The following SRL variants were observed in gnomAD, a reference collection of about 807,000 sequenced individuals.
SRL encodes the protein sarcalumenin.
SRL carries 23 observed loss-of-function variants against 39.5 expected under a neutral mutation model. The ratio of observed to expected loss-of-function variants is 0.58; its 90% confidence interval spans 0.42 to 0.82. The LOEUF (loss-of-function observed/expected upper bound fraction) is 0.82. SRL is among the 40% of genes least tolerant of loss of function. SRL has a pLI of 0.00. For synonymous variants in SRL, 272 were observed against 237.4 expected, an observed-to-expected ratio of 1.15 and a Z score of -1.34; for missense variants, 592 against 607.8, an observed-to-expected ratio of 0.97 and a Z score of 0.27.
At chr16:4,217,093 G>C (rs1173737385) in intron 1 of SRL, among the ~76,000 whole-genome samples, 1 of 152,168 alleles carries the variant, frequency 6.6e-6, no homozygotes, top group African/African-American at 2.4e-5. Flanking sequence ...CTTGAGAAAC[G>C]TGGGAGCTTG....
At chr16:4,202,605 G>C (rs2052251474) in intron 3 of SRL, among the ~76,000 whole-genome samples, 1 of 147,980 alleles carries the variant, frequency 6.8e-6, no homozygotes, top group African/African-American at 2.6e-5. Context: ...AAAAAAAAAA[G>C]CTGGAGGTCA....
intron 1 of SRL, among the ~76,000 whole-genome samples, chr16:4,211,797 T>C (rs2052397342): frequency 6.6e-6 from 1 of 151,720 alleles, no homozygotes; most frequent in East Asian, 1.9e-4. Context: ...ATGATGAGGA[T>C]CGTGATGATG....
chr16:4,234,301 T>A (rs2052691773), intron 1 of SRL, among the ~76,000 whole-genome samples: 1 of 152,244 alleles, frequency 6.6e-6, no homozygotes, highest in South Asian at 2.1e-4. Context: ...GCCTATTAAT[T>A]AAATTTAATA....
In SRL at chr16:4,190,592, AC is replaced by A. The variant is rs1421844062; in HGVS notation, c.*1560del. Reference sequence around the variant, plus strand: ...TGCATGCTAGCCTTGCAAGACTGTTACAAGTTCTCTACTCCCTAGAGTCTAT... The same window carrying A: ...TGCATGCTAGCCTTGCAAGACTGTTAAAGTTCTCTACTCCCTAGAGTCTAT... On this transcript the variant is annotated 3_prime_UTR_variant, in exon 6 of 6. Transcript: ENST00000399609. The A allele has an allele frequency of 2.5e-6, 1 of 397,756 alleles. No homozygotes were observed. Among genetic ancestry groups the A allele is most frequent in the Non-Finnish European group, 4.4e-6 (1 of 226,070 alleles). 24.6% of individuals were successfully genotyped at this position (397,756 alleles called of 1,614,324 possible).
At chr16:4,205,826 T>C (rs991081280) in intron 1 of SRL, among the ~76,000 whole-genome samples, 10 of 151,964 alleles carry the variant, frequency 6.6e-5, no homozygotes, top group African/African-American at 2.4e-4. Context: ...TAGTCCCAGC[T>C]ACTCAGGAGG....
chr16:4,203,154 C>G lies in SRL; in HGVS notation c.259+12G>C, dbSNP rs1307439429. 1 of 1,612,102 alleles carries G rather than the reference C, an allele frequency of 6.2e-7. No homozygotes were observed. Among genetic ancestry groups the G allele is most frequent in the Non-Finnish European group, 8.5e-7 (1 of 1,179,006 alleles). On this transcript the variant is annotated intron_variant, in intron 3 of 5. Transcript: ENST00000399609. ...CGTAATCTCAAGCCCTACCTGTTATCTCAAGCCCTACCTGTGATCTCATGC... is the reference window on the plus strand; with the variant it reads ...CGTAATCTCAAGCCCTACCTGTTATGTCAAGCCCTACCTGTGATCTCATGC...
chr16:4,193,316 A>T (rs2052093480), intron 5 of SRL, among the ~76,000 whole-genome samples: 1 of 152,196 alleles, frequency 6.6e-6, no homozygotes, highest in Non-Finnish European at 1.5e-5. Flanking sequence ...AATAGGCGTG[A>T]GCCACCATGC....
At chr16:4,211,163 A>T (rs372480880) in intron 1 of SRL, among the ~76,000 whole-genome samples, 2 of 88,330 alleles carry the variant, frequency 2.3e-5, no homozygotes, top group Non-Finnish European at 5.2e-5. Context: ...CATCATGATT[A>T]AAAAAAAAAA....
intron 3 of SRL, among the ~76,000 whole-genome samples, chr16:4,198,978 C>T (rs2052185371): frequency 6.6e-6 from 1 of 152,130 alleles, no homozygotes; most frequent in Non-Finnish European, 1.5e-5. Flanking sequence ...GAGAGGCTTT[C>T]AACGTGGGGT....
At chr16:4,197,270 A>G (rs1468496299) in intron 4 of SRL, among the ~76,000 whole-genome samples, 2 of 151,426 alleles carry the variant, frequency 1.3e-5, no homozygotes, top group East Asian at 1.9e-4. Context: ...GGGTTTCACC[A>G]TGTTGGCCAG....
At chr16:4,230,355 A>C (rs543503778) in intron 1 of SRL, among the ~76,000 whole-genome samples, 1 of 151,322 alleles carries the variant, frequency 6.6e-6, no homozygotes, top group African/African-American at 2.4e-5. Context: ...TCTAAAATTC[A>C]TATCCACCTA....
chr16:4,203,260 C>G lies in SRL; in HGVS notation c.165G>C (p.Ala55=), dbSNP rs570323726. 2 of 1,613,916 alleles carry G rather than the reference C, an allele frequency of 1.2e-6. No individual in the cohort carries two copies. Among genetic ancestry groups the G allele is most frequent in the African/African-American group, 2.7e-5 (2 of 75,026 alleles). Residue 55 remains alanine (A), a splice_region_variant and synonymous_variant, in exon 3 of 6, where the codon GCG becomes GCC. Transcript: ENST00000399609. ...NEDKPSDDYS[A]VLQRLRKIYH... ...AGATCTTCCGAAGCCGCTGCAGCAC[C>G]GCTGGAGACAGAGAGGGCCGGGGGA...
chr16:4,197,677 T>C, intron 4 of SRL, 122 bp downstream of exon 4: 1 of 795,184 alleles, frequency 1.3e-6, no homozygotes, highest in Non-Finnish European at 2.2e-6. Flanking sequence ...TCCACTGCCT[T>C]GGCCTCCCAA....
chr16:4,204,151 T>C (rs1286565368), intron 2 of SRL, among the ~76,000 whole-genome samples: 2 of 152,224 alleles, frequency 1.3e-5, no homozygotes, highest in Non-Finnish European at 2.9e-5. Context: ...CTGCAATCCT[T>C]GGGTTTCAAA....
At chr16:4,205,718 G>C (rs1000610249) in intron 1 of SRL, among the ~76,000 whole-genome samples, 1 of 152,124 alleles carries the variant, frequency 6.6e-6, no homozygotes, top group Non-Finnish European at 1.5e-5. Context: ...AGGGCTGACC[G>C]GGCAGGACCT....
At chr16:4,224,059 C>T (rs2052560128) in intron 1 of SRL, among the ~76,000 whole-genome samples, 2 of 151,938 alleles carry the variant, frequency 1.3e-5, no homozygotes, top group Admixed American at 6.6e-5. Context: ...ATGGATGGAA[C>T]TCTAGTAGCC....
At chr16:4,193,016 C>T (rs112976732) in intron 5 of SRL, 52 bp from the exon 6 acceptor site, 41 of 1,490,834 alleles carry the variant, frequency 2.8e-5, no homozygotes, top group African/African-American at 1.4e-4. Flanking sequence ...CCTCAAAGCC[C>T]GCGCACCTCC....
Position 4,191,603 on chromosome 16 carries a change from TC to T in SRL, c.*549del, listed in dbSNP as rs1274495516. On this transcript the variant is annotated 3_prime_UTR_variant, in exon 6 of 6. Coordinates refer to ENST00000399609, the MANE Select transcript of SRL (RefSeq NM_001098814.2). ...TCCAACCTGGCCGACAGAGCGAGAC[TC>T]CGTCTCAAAAACACAAAAACAAACC... 6.5e-6 allele frequency: 1 copy of T among 152,926 alleles called. No individual in the cohort carries two copies. The highest frequency in any genetic ancestry group is 1.5e-5 in the Non-Finnish European group (1 of 68,620). The allele number at this position is 152,926 out of a possible 1,614,324, so 9.5% of individuals were successfully genotyped here.
intron 3 of SRL, among the ~76,000 whole-genome samples, chr16:4,201,744 C>T (rs140678805): frequency 0.011 from 1,578 of 137,814 alleles, 239 homozygotes; most frequent in Non-Finnish European, 0.016. Context: ...CAACCTCTGC[C>T]TCCCGGGTTC....
Sources: allele counts gnomAD v4.1 joint callset (sites outside exome capture counted in the v4.1 genomes callset), GRCh38; gene constraint gnomAD v4.1.1; transcripts MANE v1.5; gene names NCBI Gene and HGNC (gene_info 2026-07-23, HGNC 2026-07-21).